Variants in CSMD1 observed in about 807,000 individuals in gnomAD.
CSMD1 encodes the protein CUB and sushi domain-containing protein 1.
CSMD1 carries 213 observed loss-of-function variants against 417.5 expected under a neutral mutation model. The ratio of observed to expected loss-of-function variants is 0.51; its 90% CI spans 0.46 to 0.57. The LOEUF (loss-of-function observed/expected upper bound fraction) is 0.57, where lower values mean the gene tolerates loss of function less well. Among genes scored for constraint, CSMD1 ranks in the 20% least tolerant of loss-of-function variants. The probability of loss-of-function intolerance (pLI) is 0.00; values close to 1 mark genes in which losing one functional copy is unlikely to be tolerated. For synonymous variants in CSMD1, 2,862 were observed against 1,736.8 expected (o/e 1.65, Z -16.11); for missense variants, 6,923 against 4,529.7 (o/e 1.53, Z -15.17).
chr8:3,384,108 C>A (rs944108527), intron 18 of CSMD1, among the ~76,000 whole-genome samples: 2 of 152,058 alleles, frequency 1.3e-5, no homozygotes, highest in African/African-American at 4.8e-5. Flanking sequence ...GTTTAGTGAC[C>A]TACATGGTCT....
rs1444859656 is a variant in CSMD1, at chr8:4,242,351, C to T, written c.415+177602G>A. On this transcript the variant is annotated intron_variant, in intron 3 of 69. Transcript: ENST00000635120. ...GTAAACATGAAAATTTGCAACCTCC[C>T]TAAGTAATCAAAGAGCTGTAAATGA... is the stretch of plus-strand genomic sequence containing the variant. Among the ~76,000 whole-genome samples, 5 of 152,164 alleles carry T rather than the reference C, an allele frequency of 3.3e-5. No homozygotes were observed. In the East Asian group the frequency reaches 9.7e-4, roughly 29 times the overall value.
chr8:4,557,143 T>A (rs1159608887), intron 2 of CSMD1, among the ~76,000 whole-genome samples: 4 of 152,192 alleles, frequency 2.6e-5, no homozygotes, highest in Non-Finnish European at 5.9e-5. Flanking sequence ...AAGGTTAATT[T>A]TGCTTTTCCT....
chr8:3,593,180 G>A (rs1554481045), intron 8 of CSMD1, among the ~76,000 whole-genome samples: 1 of 152,230 alleles, frequency 6.6e-6, no homozygotes, highest in East Asian at 1.9e-4. Flanking sequence ...GAAGCCCAGT[G>A]TCATGTTTCC....
At position 3,361,297 on chromosome 8, in the gene CSMD1, C is replaced by G. The variant is rs907916310; in HGVS notation, c.3116-1957G>C. Among the ~76,000 whole-genome samples the G allele has an allele frequency of 2.0e-5, 3 of 152,142 alleles. No individual in the cohort carries two copies. The East Asian group carries it at 5.8e-4, about 29-fold the overall frequency. ...TCTATCTAAGGATATACTGTGTGCA[C>G]TCAATTCAAGCCATACATTTCCTGT... On this transcript the variant is annotated intron_variant, in intron 20 of 69. Transcript: ENST00000635120.
intron 8 of CSMD1, among the ~76,000 whole-genome samples, chr8:3,598,834 G>A (rs552415823): frequency 5.9e-5 from 9 of 152,224 alleles, no homozygotes; most frequent in African/African-American, 1.9e-4. Context: ...TGAAATCCCA[G>A]CACTTTGGGA....
At chr8:3,802,497 T>C (rs755901593) in intron 5 of CSMD1, among the ~76,000 whole-genome samples, 3 of 152,228 alleles carry the variant, frequency 2.0e-5, no homozygotes, top group Non-Finnish European at 4.4e-5. Flanking sequence ...GTGAAATTGA[T>C]GTGAGGTCAC....
intron 2 of CSMD1, among the ~76,000 whole-genome samples, chr8:4,589,485 G>C (rs1339682620): frequency 6.6e-6 from 1 of 152,166 alleles, no homozygotes; most frequent in East Asian, 1.9e-4. Flanking sequence ...CTGCTGATCA[G>C]TGCCTGCGAG....
intron 3 of CSMD1, among the ~76,000 whole-genome samples, chr8:4,377,292 G>A (rs1342237339): frequency 6.6e-6 from 1 of 152,148 alleles, no homozygotes; most frequent in African/African-American, 2.4e-5. Context: ...GCAAAAGGGA[G>A]GAGGAGAAGT....
intron 2 of CSMD1, among the ~76,000 whole-genome samples, chr8:4,584,558 G>A (rs573436171): frequency 4.5e-4 from 68 of 152,202 alleles, no homozygotes; most frequent in African/African-American, 1.6e-3. Context: ...CCTAGAACCA[G>A]CTTCCGCTTT....
At chr8:3,918,914 A>C (rs1301288387) in intron 5 of CSMD1, among the ~76,000 whole-genome samples, 4 of 146,928 alleles carry the variant, frequency 2.7e-5, no homozygotes, top group African/African-American at 4.9e-5. Context: ...AAAAGACTAC[A>C]AACTGGGTTC....
intron 3 of CSMD1, among the ~76,000 whole-genome samples, chr8:4,193,695 A>C (rs1799169738): frequency 6.6e-6 from 1 of 152,168 alleles, no homozygotes; most frequent in African/African-American, 2.4e-5. Flanking sequence ...AAAGATAAAA[A>C]TCGGCATTTC....
In CSMD1 at chr8:4,874,057, T is replaced by C. The variant is rs147615650; in HGVS notation, c.85+120275A>G. 6.6e-3 allele frequency among the ~76,000 whole-genome samples: 1,007 copies of C among 152,216 alleles called. 21 individuals carry two copies. Among genetic ancestry groups the C allele is most frequent in the Middle Eastern group, 0.02 (6 of 294 alleles). ...CTATCTATCTGTGTGTCATCTACCTTTACCTTAAAACTTTAACATAGGCAA... is the reference window on the plus strand; with the variant it reads ...CTATCTATCTGTGTGTCATCTACCTCTACCTTAAAACTTTAACATAGGCAA... On this transcript the variant is annotated intron_variant, in intron 1 of 69. Coordinates refer to ENST00000635120, the MANE Select transcript of CSMD1 (RefSeq NM_033225.6).
At chr8:4,176,588 G>A (rs13248436) in intron 3 of CSMD1, among the ~76,000 whole-genome samples, 44,023 of 148,244 alleles carry the variant, frequency 0.3, 6,657 homozygotes, top group South Asian at 0.43. Context: ...TCTAGTAGAA[G>A]GGACATAGGA....
chr8:4,257,205 A>AC (rs1803521474), intron 3 of CSMD1, among the ~76,000 whole-genome samples: 3 of 628 alleles, frequency 4.8e-3, no homozygotes, highest in South Asian at 0.17. Flanking sequence ...TTTAAGCATG[A>AC]GAGTTTTATT....
intron 11 of CSMD1, among the ~76,000 whole-genome samples, chr8:3,483,818 T>C (rs10100224): frequency 6.6e-6 from 1 of 152,078 alleles, no homozygotes; most frequent in African/African-American, 2.4e-5. Flanking sequence ...TTCCATTTTA[T>C]GAAAGGCTGA....
chr8:4,789,988 G>A lies in CSMD1; in HGVS notation c.86-152430C>T, dbSNP rs181269599. Among the ~76,000 whole-genome samples the A allele has an allele frequency of 5.3e-5, 8 of 152,242 alleles. No individual in the cohort carries two copies. The East Asian group carries it at 1.4e-3, about 26-fold the overall frequency. The stretch of plus-strand genomic sequence containing the variant: ...TGCTATTTCTCTCTTCCCTTCATGT[G>A]CAACTCAATGGAGGCCAAGTTATAG... On this transcript the variant is annotated intron_variant, in intron 1 of 69. Coordinates refer to ENST00000635120, the MANE Select transcript of CSMD1 (RefSeq NM_033225.6).
intron 1 of CSMD1, among the ~76,000 whole-genome samples, chr8:4,751,841 G>C (rs151237607): frequency 6.6e-6 from 1 of 152,242 alleles, no homozygotes; most frequent in East Asian, 1.9e-4. Flanking sequence ...CATGTTCTCT[G>C]TCCGAAAATA....
At chr8:3,929,889 T>C (rs1237062583) in intron 5 of CSMD1, among the ~76,000 whole-genome samples, 3 of 150,162 alleles carry the variant, frequency 2.0e-5, no homozygotes, top group Non-Finnish European at 4.4e-5. Context: ...CTCCAACCCC[T>C]GACCTCAGGT....
At chr8:3,617,084 T>C (rs1317841043) in intron 7 of CSMD1, among the ~76,000 whole-genome samples, 6 of 152,188 alleles carry the variant, frequency 3.9e-5, no homozygotes, top group Non-Finnish European at 7.3e-5. Context: ...ATGATTACTT[T>C]TATGCCAGGT....
Sources: gnomAD v4.1 joint callset for allele counts (sites outside exome capture counted in the v4.1 genomes callset) on GRCh38, gnomAD v4.1.1 for gene constraint, MANE v1.5 for transcripts, NCBI Gene and HGNC (gene_info 2026-07-23, HGNC 2026-07-21) for gene names.